PTPRT: variants seen among roughly 807,000 people sequenced by gnomAD.
PTPRT encodes receptor-type tyrosine-protein phosphatase T.
In PTPRT, 56 loss-of-function variants were observed where a neutral mutation model predicts 176.8. The observed-to-expected ratio is 0.32, with a 90% CI of 0.26 to 0.40. PTPRT has a LOEUF of 0.40. Ranked by LOEUF, PTPRT falls within the 10% of genes least tolerant of loss-of-function variation. PTPRT has a pLI of 1.00. For synonymous variants in PTPRT, 783 were observed against 739.0 expected (o/e 1.06, Z -0.96); for missense variants, 1,540 against 1,908.2 (o/e 0.81, Z 3.60).
At chr20:42,744,548 T>G (rs11905011) in intron 6 of PTPRT, among the ~76,000 whole-genome samples, 52,607 of 152,128 alleles carry the variant, frequency 0.35, 11,002 homozygotes, top group African/African-American at 0.6. Flanking sequence ...TGTGGGGGTT[T>G]CTAATGGCTT....
At chr20:42,551,872 C>T (rs989760301) in intron 7 of PTPRT, among the ~76,000 whole-genome samples, 3 of 152,098 alleles carry the variant, frequency 2.0e-5, no homozygotes, top group Non-Finnish European at 4.4e-5. Flanking sequence ...GTTTGTTTTC[C>T]CTAGGGTTCC....
At chr20:43,010,619 T>C (rs1288925739) in intron 1 of PTPRT, among the ~76,000 whole-genome samples, 3 of 152,110 alleles carry the variant, frequency 2.0e-5, no homozygotes, top group Admixed American at 2.0e-4. Flanking sequence ...GTTGACAGCA[T>C]CATCGTCAAC....
chr20:42,721,143 G>T (rs1292223883), intron 6 of PTPRT, among the ~76,000 whole-genome samples: 2 of 152,174 alleles, frequency 1.3e-5, no homozygotes, highest in Non-Finnish European at 2.9e-5. Context: ...ATGTTCAAGG[G>T]TAACTTCATG....
At chr20:42,692,719 T>G (rs1472712181) in intron 6 of PTPRT, among the ~76,000 whole-genome samples, 3 of 152,218 alleles carry the variant, frequency 2.0e-5, no homozygotes, top group African/African-American at 7.2e-5. Flanking sequence ...CTTTCATTAT[T>G]CATAGACTAC....
chr20:42,786,165 C>A (rs1288808160), intron 3 of PTPRT, among the ~76,000 whole-genome samples: 2 of 152,190 alleles, frequency 1.3e-5, no homozygotes, highest in Non-Finnish European at 2.9e-5. Context: ...GCCTCCCCAG[C>A]CATGTGGAAG....
intron 2 of PTPRT, among the ~76,000 whole-genome samples, chr20:42,852,680 T>C (rs1047127621): frequency 6.6e-6 from 1 of 152,190 alleles, no homozygotes; most frequent in Non-Finnish European, 1.5e-5. Context: ...ATTCATGGAT[T>C]CTGTTCCCCA....
chr20:42,233,449 A>C (rs902452424), intron 15 of PTPRT, among the ~76,000 whole-genome samples: 1 of 152,108 alleles, frequency 6.6e-6, no homozygotes, highest in Non-Finnish European at 1.5e-5. Flanking sequence ...TTTCCCATTA[A>C]ATAGGGATAA....
At chr20:42,775,900 T>C (rs1260719418) in intron 4 of PTPRT, among the ~76,000 whole-genome samples, 1 of 152,226 alleles carries the variant, frequency 6.6e-6, no homozygotes, top group African/African-American at 2.4e-5. Context: ...TATAGTTCAA[T>C]TTTTAACCAT....
chr20:42,591,421 G>T (rs1439584424), intron 7 of PTPRT, among the ~76,000 whole-genome samples: 1 of 152,174 alleles, frequency 6.6e-6, no homozygotes, highest in Non-Finnish European at 1.5e-5. Flanking sequence ...AAACAGAGTA[G>T]ATGTTTAATA....
chr20:42,616,193 G>T lies in PTPRT; in HGVS notation c.1153+61673C>A, dbSNP rs1445554315. On this transcript the variant is annotated intron_variant, in intron 7 of 30. Transcript: ENST00000373187. ...TTCCCAGCACCATTTATTAAATAGG[G>T]AATCCTTTCCCCATTGCTTGTTTTT... 1.6e-5 allele frequency among the ~76,000 whole-genome samples: 2 copies of T among 123,952 alleles called. 1 individual carries two copies. Among genetic ancestry groups the T allele is most frequent in the Admixed American group, 1.5e-4 (2 of 13,558 alleles). 81.3% of individuals were successfully genotyped at this position (123,952 alleles called of 152,430 possible).
intron 9 of PTPRT, among the ~76,000 whole-genome samples, chr20:42,432,053 A>G (rs2059219800): frequency 6.6e-6 from 1 of 152,248 alleles, no homozygotes; most frequent in African/African-American, 2.4e-5. Context: ...CTTCAGGGGC[A>G]TGGCTCATAG....
At chr20:42,809,163 G>A (rs1429877002) in intron 2 of PTPRT, among the ~76,000 whole-genome samples, 3 of 152,226 alleles carry the variant, frequency 2.0e-5, no homozygotes, top group African/African-American at 7.2e-5. Context: ...AGCACGAGAT[G>A]TTGGTGCCAT....
chr20:42,785,584 T>C (rs984287148), intron 3 of PTPRT, among the ~76,000 whole-genome samples: 9 of 152,204 alleles, frequency 5.9e-5, no homozygotes, highest in African/African-American at 1.9e-4. Context: ...GCAGTGTTTG[T>C]GGCCAAGTGA....
chr20:43,086,428 G>A (rs913828101), intron 1 of PTPRT, among the ~76,000 whole-genome samples: 3 of 152,188 alleles, frequency 2.0e-5, no homozygotes, highest in African/African-American at 7.2e-5. Context: ...ATATGCCACC[G>A]TTTTATGCTA....
intron 4 of PTPRT, among the ~76,000 whole-genome samples, chr20:42,774,918 C>T (rs1569149074): frequency 6.6e-6 from 1 of 152,150 alleles, no homozygotes; most frequent in Admixed American, 6.5e-5. Context: ...CTCTCTGACC[C>T]TCCTTTTTCC....
chr20:42,515,414 G>C (rs1465865037), intron 7 of PTPRT, among the ~76,000 whole-genome samples: 4 of 152,106 alleles, frequency 2.6e-5, no homozygotes, highest in South Asian at 2.1e-4. Flanking sequence ...ACTCAGGAGG[G>C]TGTGGTTGCA....
chr20:43,128,291 T>A (rs955572230), intron 1 of PTPRT, among the ~76,000 whole-genome samples: 5 of 152,190 alleles, frequency 3.3e-5, no homozygotes, highest in Admixed American at 3.3e-4. Flanking sequence ...CAAAGAAACG[T>A]CAGAAAATTT....
intron 2 of PTPRT, among the ~76,000 whole-genome samples, chr20:42,819,183 T>A (rs1221337877): frequency 1.3e-5 from 2 of 152,134 alleles, no homozygotes; most frequent in East Asian, 3.8e-4. Context: ...GGGAAGCCCA[T>A]CAGACTAACA....
At chr20:42,574,050 T>C (rs1027996881) in intron 7 of PTPRT, among the ~76,000 whole-genome samples, 8 of 152,150 alleles carry the variant, frequency 5.3e-5, no homozygotes, top group African/African-American at 1.9e-4. Flanking sequence ...CCCAGCAAGA[T>C]AGACTCTTTC....
Sources: gnomAD v4.1 joint callset for allele counts (sites outside exome capture counted in the v4.1 genomes callset) on GRCh38, gnomAD v4.1.1 for gene constraint, MANE v1.5 for transcripts, NCBI Gene and HGNC (gene_info 2026-07-23, HGNC 2026-07-21) for gene names.